FMN2: variants seen among roughly 807,000 people sequenced by gnomAD.
FMN2 encodes formin 2.
Under a neutral mutation model 142.3 loss-of-function variants are expected in FMN2, and 51 were observed. The ratio of observed to expected loss-of-function variants is 0.36; its 90% CI spans 0.29 to 0.45. The LOEUF is 0.45. Among genes scored for constraint, FMN2 ranks in the 20% least tolerant of loss-of-function variants. FMN2 has a pLI of 1.00. For synonymous variants in FMN2, 882 were observed against 869.8 expected (o/e 1.01, Z -0.25); for missense variants, 1,936 against 2,122.8 (o/e 0.91, Z 1.73).
intron 4 of FMN2, among the ~76,000 whole-genome samples, chr1:240,200,335 A>T (rs893628702): frequency 2.0e-5 from 3 of 152,194 alleles, no homozygotes; most frequent in Admixed American, 6.5e-5. Context: ...AAATCCCTGA[A>T]AGAAAACAAC....
chr1:240,160,033 C>A (rs1192558506), intron 2 of FMN2, among the ~76,000 whole-genome samples: 1 of 136,248 alleles, frequency 7.3e-6, no homozygotes, highest in Non-Finnish European at 1.6e-5. Context: ...CAGTTTGTTC[C>A]TCATCTTAGA....
chr1:240,453,483 G>A (rs571715663), intron 16 of FMN2, among the ~76,000 whole-genome samples: 128 of 152,158 alleles, frequency 8.4e-4, no homozygotes, highest in African/African-American at 3.0e-3. Flanking sequence ...CCAACACAGT[G>A]CCTAGTTCAT....
chr1:240,319,933 A>G lies in FMN2; in HGVS notation c.4216-9143A>G, dbSNP rs576521772. ...TATAGCGTTAATGATTTTTTTCCCC[A>G]GGAGTTGAAATAGTACAATTCGGTT... is the stretch of plus-strand genomic sequence containing the variant. On this transcript the variant is annotated intron_variant, in intron 8 of 17. Transcript: ENST00000319653. 3.9e-4 allele frequency among the ~76,000 whole-genome samples: 59 copies of G among 152,240 alleles called. No homozygotes were observed. The Middle Eastern group carries it at 0.01, about 26-fold the overall frequency.
At chr1:240,159,913 A>ATC (rs762507882) in intron 2 of FMN2, among the ~76,000 whole-genome samples, 11,597 of 97,746 alleles carry the variant, frequency 0.12, 638 homozygotes, top group South Asian at 0.19. Context: ...GTGTATATAT[A>ATC]TATATATATA....
intron 2 of FMN2, chr1:240,142,583 A>G (rs1663234655): frequency 3.0e-6 from 4 of 1,353,964 alleles, no homozygotes; most frequent in East Asian, 2.3e-5. Context: ...ATTCCCCCGG[A>G]AGTCTGCAGC....
chr1:240,217,657 A>G (rs188634899), intron 6 of FMN2, among the ~76,000 whole-genome samples: 1 of 152,074 alleles, frequency 6.6e-6, no homozygotes, highest in East Asian at 1.9e-4. Context: ...ATGTTGAAAG[A>G]TTTATTTTTT....
intron 15 of FMN2, among the ~76,000 whole-genome samples, chr1:240,409,361 C>T (rs908184943): frequency 2.0e-5 from 3 of 152,086 alleles, no homozygotes; most frequent in Non-Finnish European, 4.4e-5. Flanking sequence ...CCAAGCTGGT[C>T]TCAAACTCCT....
intron 7 of FMN2, among the ~76,000 whole-genome samples, chr1:240,267,944 A>T (rs1264078963): frequency 6.6e-6 from 1 of 152,136 alleles, no homozygotes; most frequent in East Asian, 1.9e-4. Flanking sequence ...AGAAATGCAA[A>T]TCCAAATCAT....
At chr1:240,388,227 C>CAAAAAAAAAAAAAAAAA in intron 14 of FMN2, among the ~76,000 whole-genome samples, 1 of 6,054 alleles carries the variant, frequency 1.7e-4, no homozygotes, top group Non-Finnish European at 2.6e-4. Flanking sequence ...GTGCTCAAAG[C>CAAAAAAAAAAAAAAAAA]AAAAAAAAAA....
intron 13 of FMN2, among the ~76,000 whole-genome samples, chr1:240,345,830 C>T (rs1471945862): frequency 6.6e-6 from 1 of 152,122 alleles, no homozygotes; most frequent in Non-Finnish European, 1.5e-5. Flanking sequence ...TGACCCAGCA[C>T]TTGGCCCCTA....
At chr1:240,160,706 A>C (rs1024902056) in intron 2 of FMN2, among the ~76,000 whole-genome samples, 8 of 152,092 alleles carry the variant, frequency 5.3e-5, no homozygotes, top group Admixed American at 3.9e-4. Context: ...GGGAATGAGA[A>C]AACAATGCCA....
chr1:240,206,675 A>G lies in FMN2; in HGVS notation c.1987-124A>G, dbSNP rs1241615769. On this transcript the variant is annotated intron_variant, in intron 4 of 17. Transcript: ENST00000319653. ...GGGGACACATAGAAATATTAATACC[A>G]TCTTTCTGTCAAGGAGTCCTTCTGG... is the stretch of plus-strand genomic sequence containing the variant. 1.1e-4 allele frequency: 134 copies of G among 1,181,108 alleles called. 3 individuals are homozygous for G. The South Asian group carries it at 1.4e-3, about 12-fold the overall frequency. The allele number at this position is 1,181,108 out of a possible 1,614,324, so 73.2% of individuals were successfully genotyped here. A position where few individuals can be genotyped will look rare whatever the true frequency, so the allele number is the denominator to read the frequency against.
At chr1:240,431,062 A>G (rs1038496601) in intron 15 of FMN2, among the ~76,000 whole-genome samples, 47 of 151,542 alleles carry the variant, frequency 3.1e-4, no homozygotes, top group African/African-American at 1.1e-3. Context: ...ACATTACTGA[A>G]TCTTTCAGCC....
intron 7 of FMN2, among the ~76,000 whole-genome samples, chr1:240,292,697 T>C (rs535960023): frequency 3.3e-5 from 5 of 152,318 alleles, no homozygotes; most frequent in African/African-American, 1.2e-4. Context: ...TTGATCTAAG[T>C]CCTGATTTCT....
intron 2 of FMN2, among the ~76,000 whole-genome samples, chr1:240,138,301 A>G (rs1663038264): frequency 6.6e-6 from 1 of 151,980 alleles, no homozygotes; most frequent in African/African-American, 2.4e-5. Context: ...GTTTGTGGTT[A>G]GGATGCTGGA....
chr1:240,277,437 CT>C (rs11444913), intron 7 of FMN2, among the ~76,000 whole-genome samples: 91 of 109,294 alleles, frequency 8.3e-4, no homozygotes, highest in South Asian at 8.9e-4. Flanking sequence ...TCTGCCTTTT[CT>C]TTTTTTTTTT....
At chr1:240,188,007 T>C (rs1665551594) in intron 3 of FMN2, among the ~76,000 whole-genome samples, 200 bp from the exon 4 acceptor site, 1 of 152,152 alleles carries the variant, frequency 6.6e-6, no homozygotes, top group South Asian at 2.1e-4. Context: ...AAAAATGACA[T>C]GAGCATTCTC....
At chr1:240,326,254 T>C (rs1368728090) in intron 8 of FMN2, among the ~76,000 whole-genome samples, 1 of 152,176 alleles carries the variant, frequency 6.6e-6, no homozygotes. Flanking sequence ...TTATGGGGCA[T>C]AGATAAAGTG....
chr1:240,438,495 T>G (rs9728576), intron 16 of FMN2, among the ~76,000 whole-genome samples: 10,157 of 152,212 alleles, frequency 0.067, 1,089 homozygotes, highest in African/African-American at 0.23. Flanking sequence ...AGTGACCACG[T>G]AAGAAGGCTG....
Sources: allele counts gnomAD v4.1 joint callset (sites outside exome capture counted in the v4.1 genomes callset), GRCh38; gene constraint gnomAD v4.1.1; transcripts MANE v1.5; gene names NCBI Gene and HGNC (gene_info 2026-07-23, HGNC 2026-07-21).